The following PITPNC1 variants were observed in gnomAD, a reference collection of about 807,000 sequenced individuals.
PITPNC1 encodes the protein phosphatidylinositol transfer protein cytoplasmic 1.
A neutral mutation model predicts 44.7 loss-of-function variants in PITPNC1; 18 were observed. The ratio of observed to expected loss-of-function variants is 0.40; its 90% CI spans 0.28 to 0.60. PITPNC1 has a LOEUF of 0.60. Ranked by LOEUF, PITPNC1 falls within the 20% of genes least tolerant of loss-of-function variation. The pLI, the probability that PITPNC1 is intolerant of heterozygous loss-of-function variation, is 0.39. For synonymous variants in PITPNC1, 141 were observed against 149.6 expected (o/e 0.94, Z 0.42); for missense variants, 290 against 418.4 (o/e 0.69, Z 2.68).
chr17:67,561,664 T>C (rs532302350), intron 4 of PITPNC1, among the ~76,000 whole-genome samples: 139 of 152,374 alleles, frequency 9.1e-4, no homozygotes, highest in African/African-American at 3.0e-3. Context: ...TAACCCTTTT[T>C]AACTGAGAAG....
chr17:67,454,117 G>A (rs890909248), intron 1 of PITPNC1, among the ~76,000 whole-genome samples: 6 of 152,104 alleles, frequency 3.9e-5, no homozygotes, highest in Non-Finnish European at 7.4e-5. Flanking sequence ...TGGGCCTGGT[G>A]GCGGGCACCT....
chr17:67,524,127 A>G (rs1382977014), intron 1 of PITPNC1, among the ~76,000 whole-genome samples: 1 of 152,180 alleles, frequency 6.6e-6, no homozygotes, highest in Non-Finnish European at 1.5e-5. Context: ...TCTAATAGCC[A>G]CATTTTAAAA....
rs748381370 is a variant in PITPNC1 at position 67,391,475 on chromosome 17, GTATT to G, written c.48+13291_48+13294del. ...TTTATGTTGAAAATAACTAGTTTATGTATTTATTTATTTATTTATTTTTGAGATG... is the reference window on the plus strand; with the variant it reads ...TTTATGTTGAAAATAACTAGTTTATGTATTTATTTATTTATTTTTGAGATG... On this transcript the variant is annotated intron_variant, in intron 1 of 8. Coordinates refer to ENST00000581322, the MANE Select transcript of PITPNC1 (RefSeq NM_012417.4). Among the ~76,000 whole-genome samples the G allele has an allele frequency of 8.6e-4, 131 of 151,982 alleles. 1 individual carries two copies. In the South Asian group the frequency reaches 0.012, roughly 14 times the overall value.
chr17:67,496,554 C>G (rs996611161), intron 1 of PITPNC1, among the ~76,000 whole-genome samples: 1 of 152,100 alleles, frequency 6.6e-6, no homozygotes, highest in Non-Finnish European at 1.5e-5. Context: ...GGAATTATCA[C>G]AGTTCCACTC....
chr17:67,629,178 A>G (rs1392617390), intron 5 of PITPNC1, among the ~76,000 whole-genome samples: 1 of 150,082 alleles, frequency 6.7e-6, no homozygotes, highest in East Asian at 2.0e-4. Flanking sequence ...AATAAATGTC[A>G]AACCTTTTTA....
At chr17:67,631,056 A>G (rs112600578) in intron 5 of PITPNC1, among the ~76,000 whole-genome samples, 960 of 79,322 alleles carry the variant, frequency 0.012, 5 homozygotes, top group African/African-American at 0.037. Flanking sequence ...TGTTGTTGTT[A>G]TTATTATTAT....
intron 6 of PITPNC1, among the ~76,000 whole-genome samples, chr17:67,641,091 C>T (rs772425069): frequency 6.6e-6 from 1 of 152,168 alleles, no homozygotes; most frequent in Non-Finnish European, 1.5e-5. Context: ...TACATTCACA[C>T]AGTCATGTGT....
chr17:67,655,357 G>A (rs1236570810), intron 6 of PITPNC1, among the ~76,000 whole-genome samples: 2 of 151,912 alleles, frequency 1.3e-5, no homozygotes, highest in African/African-American at 2.4e-5. Flanking sequence ...AGGAGATCAA[G>A]ACCATCCTGG....
At chr17:67,390,497 T>A (rs535780264) in intron 1 of PITPNC1, among the ~76,000 whole-genome samples, 1 of 152,350 alleles carries the variant, frequency 6.6e-6, no homozygotes, top group East Asian at 1.9e-4. Context: ...GGAAATCACG[T>A]GTTAGCAGAA....
intron 1 of PITPNC1, among the ~76,000 whole-genome samples, chr17:67,498,316 G>A (rs927104493): frequency 4.6e-5 from 7 of 152,070 alleles, no homozygotes; most frequent in South Asian, 2.1e-4. Flanking sequence ...AATATTGGCC[G>A]GACATGGTGG....
At chr17:67,564,481 T>A (rs1333313688) in intron 4 of PITPNC1, among the ~76,000 whole-genome samples, 4 of 152,098 alleles carry the variant, frequency 2.6e-5, no homozygotes, top group Non-Finnish European at 4.4e-5. Flanking sequence ...CTCCAGCCCC[T>A]CAGCAGGTTG....
chr17:67,524,250 C>T (rs1414454202), intron 1 of PITPNC1, among the ~76,000 whole-genome samples: 1 of 152,050 alleles, frequency 6.6e-6, no homozygotes, highest in African/African-American at 2.4e-5. Flanking sequence ...TGAGGCCAGC[C>T]TGGGCAACAT....
At chr17:67,523,493 G>GT (rs59101369) in intron 1 of PITPNC1, among the ~76,000 whole-genome samples, 83 of 148,760 alleles carry the variant, frequency 5.6e-4, no homozygotes, top group Non-Finnish European at 7.0e-4. Flanking sequence ...TAATTTTTAA[G>GT]TTTTTTTTTT....
At chr17:67,562,073 A>G (rs773882933) in intron 4 of PITPNC1, among the ~76,000 whole-genome samples, 9 of 152,210 alleles carry the variant, frequency 5.9e-5, no homozygotes, top group African/African-American at 9.6e-5. Flanking sequence ...TCCCTGCATG[A>G]TTATCCTAGA....
chr17:67,383,008 A>G (rs1213587369), intron 1 of PITPNC1, among the ~76,000 whole-genome samples: 1 of 148,262 alleles, frequency 6.7e-6, no homozygotes, highest in African/African-American at 2.5e-5. Context: ...TTGTTTGTTT[A>G]TTTTTGAGAT....
intron 1 of PITPNC1, among the ~76,000 whole-genome samples, chr17:67,467,276 A>T (rs1436651219): frequency 1.3e-5 from 2 of 150,862 alleles, no homozygotes; most frequent in East Asian, 3.9e-4. Context: ...CTGGTCTCGA[A>T]CTCCTGACCT....
rs544216820 is a variant in PITPNC1, at chr17:67,425,700, T to A, written c.48+47498T>A. Among the ~76,000 whole-genome samples the A allele has an allele frequency of 7.9e-3, 329 of 41,634 alleles. 4 individuals carry two copies. The highest frequency in any genetic ancestry group is 6.5e-3 in the Non-Finnish European group (126 of 19,448). 27.3% of individuals were successfully genotyped at this position (41,634 alleles called of 152,430 possible). ...CCACGCTTGGCTAATTAAAAAAAAATTTTTTTTTTAAAGAGATGGGGTCTC... is the reference window on the plus strand; with the variant it reads ...CCACGCTTGGCTAATTAAAAAAAAAATTTTTTTTTAAAGAGATGGGGTCTC... On this transcript the variant is annotated intron_variant, in intron 1 of 8. Transcript: ENST00000581322.
At chr17:67,684,278 A>G (rs2042773317) in intron 8 of PITPNC1, among the ~76,000 whole-genome samples, 1 of 151,544 alleles carries the variant, frequency 6.6e-6, no homozygotes, top group Non-Finnish European at 1.5e-5. Flanking sequence ...ATACCTGGCT[A>G]ATTTTTCTAT....
chr17:67,583,217 C>G (rs1177118167), intron 5 of PITPNC1, among the ~76,000 whole-genome samples: 1 of 152,164 alleles, frequency 6.6e-6, no homozygotes, highest in East Asian at 1.9e-4. Flanking sequence ...CTGATATGTT[C>G]CCTCAGGAGA....
Sources: gnomAD v4.1 joint callset for allele counts (sites outside exome capture counted in the v4.1 genomes callset) on GRCh38, gnomAD v4.1.1 for gene constraint, MANE v1.5 for transcripts, NCBI Gene and HGNC (gene_info 2026-07-23, HGNC 2026-07-21) for gene names.